The following MRPS9 variants were observed in gnomAD, a reference collection of about 807,000 sequenced individuals.
The protein encoded by MRPS9 is mitochondrial ribosomal protein S9.
Under a neutral mutation model 59.9 loss-of-function variants are expected in MRPS9, and 45 were observed. The observed-to-expected ratio is 0.75, with a 90% CI of 0.59 to 0.96. The LOEUF (loss-of-function observed/expected upper bound fraction) is 0.96, where lower values mean the gene tolerates loss of function less well. Ranked by LOEUF, MRPS9 falls within the 40% of genes least tolerant of loss-of-function variation. The pLI is 0.00. For synonymous variants in MRPS9, 171 were observed against 166.8 expected, an observed-to-expected ratio of 1.03 and a Z score of -0.19; for missense variants, 473 against 481.1, an observed-to-expected ratio of 0.98 and a Z score of 0.16.
chr2:105,042,650 A>G (rs1468510489), intron 1 of MRPS9, among the ~76,000 whole-genome samples: 1 of 152,206 alleles, frequency 6.6e-6, no homozygotes, highest in East Asian at 1.9e-4. Flanking sequence ...TCTTTTTGTC[A>G]GATAGGATTA....
At chr2:105,040,241 A>G (rs1679479067) in intron 1 of MRPS9, among the ~76,000 whole-genome samples, 1 of 152,126 alleles carries the variant, frequency 6.6e-6, no homozygotes, top group Admixed American at 6.5e-5. Flanking sequence ...ATTAATAGAT[A>G]GATTTCTCTT....
chr2:105,087,885 C>T (rs772009519), intron 5 of MRPS9, among the ~76,000 whole-genome samples: 2 of 149,128 alleles, frequency 1.3e-5, no homozygotes, highest in Non-Finnish European at 3.0e-5. Context: ...AATGCAAGCA[C>T]TAGTAAATGT....
intron 1 of MRPS9, among the ~76,000 whole-genome samples, chr2:105,040,737 T>C (rs1214180439): frequency 6.6e-6 from 1 of 152,166 alleles, no homozygotes; most frequent in Non-Finnish European, 1.5e-5. Flanking sequence ...TCAGATTGTA[T>C]ATCCATGAAT....
In MRPS9 at chr2:105,089,004, C is replaced by G; in HGVS notation, c.510C>G (p.Leu170=). ...SLMHDVYGML[L]NLEKHQSHLQ... Reference sequence around the variant, plus strand: ...CATAGGATGTATATGGAATGTTACTCAATTTAGAAAAACATCAAAGTCACT... The same window carrying G: ...CATAGGATGTATATGGAATGTTACTGAATTTAGAAAAACATCAAAGTCACT... The change falls in exon 6 of 11, where the codon CTC becomes CTG. Residue 170 remains leucine (L), a synonymous_variant. Transcript: ENST00000258455. The G allele has an allele frequency of 6.2e-7, 1 of 1,610,686 alleles. No homozygotes were observed. Among genetic ancestry groups the G allele is most frequent in the Non-Finnish European group, 8.5e-7 (1 of 1,177,872 alleles).
At chr2:105,087,652 T>C (rs1680474459) in intron 5 of MRPS9, among the ~76,000 whole-genome samples, 2 of 152,074 alleles carry the variant, frequency 1.3e-5, no homozygotes, top group African/African-American at 4.8e-5. Context: ...CTTACATGAA[T>C]CTCCCCAGCC....
At chr2:105,096,087 T>C (rs1680653903) in intron 9 of MRPS9, among the ~76,000 whole-genome samples, 1 of 152,142 alleles carries the variant, frequency 6.6e-6, no homozygotes, top group Non-Finnish European at 1.5e-5. Context: ...GATTTATGAG[T>C]TTTTTGTTGT....
intron 7 of MRPS9, among the ~76,000 whole-genome samples, 159 bp downstream of exon 7, chr2:105,090,154 C>G (rs1164090038): frequency 6.6e-6 from 1 of 152,080 alleles, no homozygotes; most frequent in East Asian, 1.9e-4. Flanking sequence ...AACAAAAAAA[C>G]AAAACACATT....
chr2:105,097,494 G>A (rs1386742249), intron 10 of MRPS9, 170 bp downstream of exon 10: 2 of 583,244 alleles, frequency 3.4e-6, no homozygotes, highest in East Asian at 7.3e-5. Context: ...TCTCAGATTT[G>A]ATTTCTACAA....
intron 2 of MRPS9, among the ~76,000 whole-genome samples, chr2:105,059,145 C>A (rs1347964486): frequency 6.7e-6 from 1 of 148,594 alleles, no homozygotes; most frequent in African/African-American, 2.5e-5. Flanking sequence ...TAAAGTGTAA[C>A]GTTAGTTTGA....
At chr2:105,060,390 T>C (rs1180829262) in intron 2 of MRPS9, among the ~76,000 whole-genome samples, 1 of 152,224 alleles carries the variant, frequency 6.6e-6, no homozygotes, top group Non-Finnish European at 1.5e-5. Flanking sequence ...CCAGTGGTTC[T>C]CCTGCCTCAG....
At chr2:105,058,484 T>C (rs567475004) in intron 2 of MRPS9, among the ~76,000 whole-genome samples, 16 of 152,344 alleles carry the variant, frequency 1.1e-4, no homozygotes, top group Non-Finnish European at 2.1e-4. Flanking sequence ...TTTAGGGAAC[T>C]GTTGAATATC....
chr2:105,096,860 G>A (rs1362588048), intron 9 of MRPS9, among the ~76,000 whole-genome samples: 3 of 152,068 alleles, frequency 2.0e-5, no homozygotes, highest in South Asian at 2.1e-4. Flanking sequence ...ACTTCTTTAC[G>A]AGATTATTTT....
chr2:105,080,036 A>C lies in MRPS9; in HGVS notation c.463A>C (p.Lys155Gln). 6 of 1,610,028 alleles carry C rather than the reference A, an allele frequency of 3.7e-6. No individual in the cohort carries two copies. The highest frequency in any genetic ancestry group is 5.1e-6 in the Non-Finnish European group (6 of 1,177,626). ...ATTTCACTATCTCTTCTATACTGGC[A>C]AACAGTCATACTATTCATTAATGCA... ...RPFHYLFYTG[K>Q]QSYYSLMHDV... is the part of the protein sequence containing the mutation. Residue 155 changes from lysine to glutamine, a missense_variant, in exon 5 of 11, where the codon AAA becomes CAA. By Grantham distance (53) the Lys-to-Gln change is moderately conservative. Coordinates refer to ENST00000258455, the MANE Select transcript of MRPS9 (RefSeq NM_182640.3).
chr2:105,061,857 T>C (rs1679913182), intron 2 of MRPS9, among the ~76,000 whole-genome samples: 1 of 152,186 alleles, frequency 6.6e-6, no homozygotes, highest in Non-Finnish European at 1.5e-5. Flanking sequence ...TTTTGCTTTG[T>C]TGGTTTTTCT....
At chr2:105,085,039 C>T (rs1399409473) in intron 5 of MRPS9, among the ~76,000 whole-genome samples, 1 of 152,058 alleles carries the variant, frequency 6.6e-6, no homozygotes, top group Non-Finnish European at 1.5e-5. Context: ...ACTTTCAGGT[C>T]ATCACTCCTG....
intron 4 of MRPS9, among the ~76,000 whole-genome samples, chr2:105,076,761 T>C (rs949899630): frequency 2.0e-5 from 3 of 152,232 alleles, no homozygotes; most frequent in African/African-American, 7.2e-5. Flanking sequence ...AAATTACTTA[T>C]GTTGAAGTTA....
chr2:105,089,985 C>T lies in MRPS9; in HGVS notation c.641C>T (p.Ser214Leu). 6.3e-7 allele frequency: 1 copy of T among 1,599,118 alleles called. No individual in the cohort carries two copies. The highest frequency in any genetic ancestry group is 1.1e-5 in the South Asian group (1 of 90,142). Residue 214 changes from serine to leucine, a missense_variant, in exon 7 of 11, where the codon TCA (serine) becomes TTA (leucine). By Grantham distance (145) the Ser-to-Leu change is moderately radical. Coordinates refer to ENST00000258455, the MANE Select transcript of MRPS9 (RefSeq NM_182640.3). ...ELEEMLVEKL[S>L]DLDYMQFIRL... Reference sequence around the variant, plus strand: ...GAAGAAATGTTAGTGGAAAAACTGTCAGATCTAGATGTGAGTAATTAATCT... The same window carrying T: ...GAAGAAATGTTAGTGGAAAAACTGTTAGATCTAGATGTGAGTAATTAATCT...
intron 10 of MRPS9, 86 bp from the exon 11 acceptor site, chr2:105,099,584 C>G: frequency 7.7e-7 from 1 of 1,297,948 alleles, no homozygotes; most frequent in Non-Finnish European, 1.1e-6. Flanking sequence ...TCTCAGACAA[C>G]AGTACCTATA....
intron 2 of MRPS9, among the ~76,000 whole-genome samples, chr2:105,058,591 A>C (rs1336420622): frequency 6.6e-6 from 1 of 152,024 alleles, no homozygotes; most frequent in Admixed American, 6.6e-5. Flanking sequence ...TAAAATTTGC[A>C]TTCTTACTTT....
Sources: allele counts gnomAD v4.1 joint callset (sites outside exome capture counted in the v4.1 genomes callset), GRCh38; gene constraint gnomAD v4.1.1; transcripts MANE v1.5; gene names NCBI Gene and HGNC (gene_info 2026-07-23, HGNC 2026-07-21).